Variants in NCOA1 observed in about 807,000 individuals in gnomAD.
NCOA1 encodes the protein nuclear receptor coactivator 1.
Under a neutral mutation model 150.9 loss-of-function variants are expected in NCOA1, and 35 were observed. That is an observed-to-expected ratio of 0.23 (90% CI 0.18 to 0.31). The LOEUF is 0.31. Among genes scored for constraint, NCOA1 ranks in the 10% least tolerant of loss-of-function variants. The pLI is 1.00. For synonymous variants in NCOA1, 590 were observed against 630.0 expected (o/e 0.94, Z 0.95); for missense variants, 1,491 against 1,749.3 (o/e 0.85, Z 2.63).
At chr2:24,621,649 T>C (rs1412715638) in intron 3 of NCOA1, among the ~76,000 whole-genome samples, 1 of 151,842 alleles carries the variant, frequency 6.6e-6, no homozygotes, top group African/African-American at 2.4e-5. Context: ...CGGCTAATTT[T>C]TTGTATTTTT....
intron 1 of NCOA1, among the ~76,000 whole-genome samples, chr2:24,508,903 A>G (rs1019879757): frequency 6.6e-6 from 1 of 152,218 alleles, no homozygotes; most frequent in African/African-American, 2.4e-5. Flanking sequence ...TTGCTTCTTA[A>G]AATCCTAAAG....
intron 11 of NCOA1, among the ~76,000 whole-genome samples, chr2:24,700,020 G>T (rs1057027926): frequency 5.9e-5 from 9 of 152,046 alleles, no homozygotes; most frequent in African/African-American, 1.9e-4. Flanking sequence ...GCGCAGTCCT[G>T]TAATCCCAGC....
intron 8 of NCOA1, among the ~76,000 whole-genome samples, chr2:24,684,983 AC>A (rs1390736175): frequency 2.0e-5 from 3 of 152,146 alleles, no homozygotes; most frequent in African/African-American, 7.2e-5. Flanking sequence ...AAGGAAAGAG[AC>A]CAAGTAGAAT....
chr2:24,581,015 T>G (rs1355962879), intron 2 of NCOA1, among the ~76,000 whole-genome samples: 1 of 152,212 alleles, frequency 6.6e-6, no homozygotes. Flanking sequence ...ACTTTGCCTC[T>G]CTTGACACTC....
At chr2:24,715,170 A>G (rs1005639193) in intron 14 of NCOA1, among the ~76,000 whole-genome samples, 2 of 152,208 alleles carry the variant, frequency 1.3e-5, no homozygotes, top group East Asian at 1.9e-4. Flanking sequence ...AAGCTAAAAT[A>G]AAATGAATCC....
chr2:24,640,416 A>ATC (rs1670159585), intron 3 of NCOA1, among the ~76,000 whole-genome samples: 4 of 152,138 alleles, frequency 2.6e-5, no homozygotes, highest in Non-Finnish European at 5.9e-5. Flanking sequence ...TTGAGAGAGG[A>ATC]ATGTTAAAAT....
intron 2 of NCOA1, among the ~76,000 whole-genome samples, chr2:24,570,954 A>C (rs1370790463): frequency 1.3e-5 from 2 of 152,236 alleles, no homozygotes; most frequent in Non-Finnish European, 2.9e-5. Context: ...AACATTTATG[A>C]AATAGGGAAA....
intron 14 of NCOA1, among the ~76,000 whole-genome samples, chr2:24,720,569 T>C (rs1411106479): frequency 6.6e-6 from 1 of 151,990 alleles, no homozygotes; most frequent in African/African-American, 2.4e-5. Context: ...CCAAGGTAGA[T>C]ATGGGGGAGG....
intron 3 of NCOA1, among the ~76,000 whole-genome samples, chr2:24,587,861 T>A (rs1484464587): frequency 6.6e-6 from 1 of 152,204 alleles, no homozygotes; most frequent in Non-Finnish European, 1.5e-5. Context: ...TGGACAAAAA[T>A]CTGATTCAGT....
At chr2:24,698,303 A>C (rs905451998) in intron 11 of NCOA1, among the ~76,000 whole-genome samples, 6 of 152,184 alleles carry the variant, frequency 3.9e-5, no homozygotes, top group Admixed American at 3.9e-4. Context: ...CATTCTCAGC[A>C]GAACAAGCAT....
At chr2:24,557,435 A>C (rs1666115496) in intron 1 of NCOA1, among the ~76,000 whole-genome samples, 1 of 152,054 alleles carries the variant, frequency 6.6e-6, no homozygotes, top group Non-Finnish European at 1.5e-5. Flanking sequence ...ACAAAGTAAG[A>C]AAAAGTAGTC....
In NCOA1 at chr2:24,508,365, A is replaced by G. The variant is rs540283171; in HGVS notation, c.-396+16763A>G. On this transcript the variant is annotated intron_variant, in intron 1 of 22. Coordinates refer to ENST00000348332, the MANE Select transcript of NCOA1 (RefSeq NM_003743.5). ...TATTAGGTTATAGCATAGGCAGAGT[A>G]AAGTCTATATATGTTGTTGTTGCCT... is the stretch of plus-strand genomic sequence containing the variant. Among the ~76,000 whole-genome samples the G allele has an allele frequency of 3.3e-5, 5 of 152,242 alleles. No homozygotes were observed. In the South Asian group the frequency reaches 8.3e-4, roughly 25 times the overall value.
chr2:24,561,000 A>G (rs1417824829), intron 1 of NCOA1, among the ~76,000 whole-genome samples: 1 of 152,218 alleles, frequency 6.6e-6, no homozygotes, highest in Non-Finnish European at 1.5e-5. Flanking sequence ...GATTCGTTAC[A>G]CAAACTAGTA....
At chr2:24,528,371 A>G (rs1397766764) in intron 1 of NCOA1, among the ~76,000 whole-genome samples, 1 of 146,172 alleles carries the variant, frequency 6.8e-6, no homozygotes, top group African/African-American at 2.6e-5. Flanking sequence ...TTCTGAGACA[A>G]GGTCTTGCTT....
At position 24,623,945 on chromosome 2, in the gene NCOA1, C is replaced by T. The variant is rs925501105; in HGVS notation, c.-174-20021C>T. On this transcript the variant is annotated intron_variant, in intron 3 of 22. Coordinates refer to ENST00000348332, the MANE Select transcript of NCOA1 (RefSeq NM_003743.5). ...TTCACATATAAACTTGAGAAGGGGA[C>T]ACAATTCAGTCTATAACAGAGCCCC... Among the ~76,000 whole-genome samples, 20 of 152,132 alleles carry T rather than the reference C, an allele frequency of 1.3e-4. 1 individual carries two copies. Among genetic ancestry groups the T allele is most frequent in the Admixed American group, 9.2e-4 (14 of 15,276 alleles).
intron 20 of NCOA1, among the ~76,000 whole-genome samples, chr2:24,757,042 A>G (rs1249552516): frequency 6.6e-6 from 1 of 152,252 alleles, no homozygotes; most frequent in African/African-American, 2.4e-5. Flanking sequence ...ATTTGGTTGT[A>G]TACATCTGGC....
chr2:24,675,694 G>T (rs1157264709), intron 7 of NCOA1, among the ~76,000 whole-genome samples: 1 of 152,154 alleles, frequency 6.6e-6, no homozygotes, highest in East Asian at 1.9e-4. Flanking sequence ...AGAGCAGCCT[G>T]GCCAAGATGG....
chr2:24,519,712 A>G (rs1377476035), intron 1 of NCOA1, among the ~76,000 whole-genome samples: 1 of 151,804 alleles, frequency 6.6e-6, no homozygotes, highest in Non-Finnish European at 1.5e-5. Flanking sequence ...ACTAGTAGGC[A>G]TAGTCTCGGG....
intron 3 of NCOA1, among the ~76,000 whole-genome samples, chr2:24,626,044 T>C (rs1274148380): frequency 6.6e-6 from 1 of 152,230 alleles, no homozygotes; most frequent in Non-Finnish European, 1.5e-5. Context: ...CTACCATGTC[T>C]TTATTGATTT....
Sources: allele counts gnomAD v4.1 joint callset (sites outside exome capture counted in the v4.1 genomes callset), GRCh38; gene constraint gnomAD v4.1.1; transcripts MANE v1.5; gene names NCBI Gene and HGNC (gene_info 2026-07-23, HGNC 2026-07-21).